IGFBP7: variants seen among roughly 807,000 people sequenced by gnomAD.
IGFBP7 encodes insulin like growth factor binding protein 7, also known as insulin-like growth factor-binding protein 7.
In IGFBP7, 31 loss-of-function variants were observed where a neutral mutation model predicts 29.4. The ratio of observed to expected loss-of-function variants is 1.05; its 90% CI spans 0.79 to 1.42. The LOEUF (loss-of-function observed/expected upper bound fraction) is 1.42, where lower values mean the gene tolerates loss of function less well. Among genes scored for constraint, IGFBP7 ranks in the 40% most tolerant of loss-of-function variants. The probability of loss-of-function intolerance (pLI) is 0.00; values close to 1 mark genes in which losing one functional copy is unlikely to be tolerated. For synonymous variants in IGFBP7, 172 were observed against 174.9 expected, an observed-to-expected ratio of 0.98 and a Z score of 0.13; for missense variants, 393 against 395.5, an observed-to-expected ratio of 0.99 and a Z score of 0.05.
chr4:57,047,918 G>T (rs143231923), intron 1 of IGFBP7, among the ~76,000 whole-genome samples: 6 of 152,116 alleles, frequency 3.9e-5, no homozygotes, highest in African/African-American at 1.4e-4. Flanking sequence ...TATTTTTTTA[G>T]ATATGGGGTC....
chr4:57,049,503 C>T (rs1005268802), intron 1 of IGFBP7, among the ~76,000 whole-genome samples: 2 of 152,170 alleles, frequency 1.3e-5, no homozygotes, highest in African/African-American at 4.8e-5. Context: ...TATGCTGATG[C>T]CCTTACCTAC....
At chr4:57,034,734 C>T (rs1421551575) in intron 2 of IGFBP7, among the ~76,000 whole-genome samples, 1 of 152,112 alleles carries the variant, frequency 6.6e-6, no homozygotes, top group Non-Finnish European at 1.5e-5. Context: ...ATTCAGCAAA[C>T]CACATGTGAT....
chr4:57,072,666 G>A, intron 1 of IGFBP7: 1 of 298,226 alleles, frequency 3.4e-6, no homozygotes, highest in Non-Finnish European at 6.5e-6. Context: ...ACCAGCAGGG[G>A]TGCTGCCCGG....
chr4:57,036,477 G>A (rs553103687), intron 2 of IGFBP7, among the ~76,000 whole-genome samples: 46 of 152,278 alleles, frequency 3.0e-4, no homozygotes, highest in Admixed American at 1.1e-3. Flanking sequence ...GAGCCTCTCC[G>A]TCTCAGAAAC....
chr4:57,069,757 A>G (rs1055905263), intron 1 of IGFBP7, among the ~76,000 whole-genome samples: 6 of 152,136 alleles, frequency 3.9e-5, no homozygotes, highest in African/African-American at 1.4e-4. Context: ...TGAGATTTCT[A>G]TCTTTCTAGG....
At chr4:57,087,129 T>C (rs967001112) in intron 1 of IGFBP7, among the ~76,000 whole-genome samples, 1 of 152,162 alleles carries the variant, frequency 6.6e-6, no homozygotes, top group Admixed American at 6.5e-5. Flanking sequence ...GAAACTGGAG[T>C]CTGTGTTCTG....
chr4:57,082,493 A>G (rs1414327662), intron 1 of IGFBP7, among the ~76,000 whole-genome samples: 2 of 152,210 alleles, frequency 1.3e-5, no homozygotes, highest in Admixed American at 6.5e-5. Flanking sequence ...ATGAGTGTAT[A>G]GTTTTAAATT....
At chr4:57,071,636 G>A (rs961328267) in intron 1 of IGFBP7, among the ~76,000 whole-genome samples, 6 of 152,126 alleles carry the variant, frequency 3.9e-5, no homozygotes, top group African/African-American at 1.4e-4. Context: ...CCAGAATAAG[G>A]GACTGATCTC....
At chr4:57,051,422 G>C (rs984899884) in intron 1 of IGFBP7, among the ~76,000 whole-genome samples, 3 of 152,210 alleles carry the variant, frequency 2.0e-5, no homozygotes, top group East Asian at 1.9e-4. Context: ...TTAATCTCAG[G>C]CTTTTAGTTT....
intron 1 of IGFBP7, among the ~76,000 whole-genome samples, chr4:57,094,227 AT>A (rs1028995348): frequency 8.5e-5 from 13 of 152,216 alleles, no homozygotes; most frequent in African/African-American, 3.1e-4. Flanking sequence ...TGGAATTATT[AT>A]AATTTTCCAC....
chr4:57,040,911 G>T lies in IGFBP7; in HGVS notation c.498C>A (p.Pro166=). Residue 166 remains proline, a synonymous_variant, in exon 2 of 5, where the codon CCC becomes CCA. Transcript: ENST00000295666. ...CEQGPSIVTP[P]KDIWNVTGAQ... ...CACCAGTGACATTCCAGATGTCCTTGGGGGGCGTCACTATGGAAGGACCTG... is the reference window on the plus strand; with the variant it reads ...CACCAGTGACATTCCAGATGTCCTTTGGGGGCGTCACTATGGAAGGACCTG... 3 of 1,613,730 alleles carry T rather than the reference G, an allele frequency of 1.9e-6. No homozygotes were observed. Among genetic ancestry groups the T allele is most frequent in the Non-Finnish European group, 1.7e-6 (2 of 1,179,642 alleles).
At chr4:57,046,105 C>T (rs189616301) in intron 1 of IGFBP7, among the ~76,000 whole-genome samples, 15 of 152,050 alleles carry the variant, frequency 9.9e-5, no homozygotes, top group Non-Finnish European at 7.4e-5. Context: ...AATAAGCAAG[C>T]GACTTAATGG....
chr4:57,039,428 C>T (rs549790697), intron 2 of IGFBP7, among the ~76,000 whole-genome samples: 1 of 152,102 alleles, frequency 6.6e-6, no homozygotes, highest in Non-Finnish European at 1.5e-5. Flanking sequence ...GGACATTTGG[C>T]AATGTCTGAA....
At chr4:57,068,499 A>G (rs1724973024) in intron 1 of IGFBP7, among the ~76,000 whole-genome samples, 1 of 152,182 alleles carries the variant, frequency 6.6e-6, no homozygotes, top group Non-Finnish European at 1.5e-5. Context: ...ATGGGCCTAG[A>G]AACACATCAG....
chr4:57,054,506 G>A (rs966482268), intron 1 of IGFBP7, among the ~76,000 whole-genome samples: 2 of 152,018 alleles, frequency 1.3e-5, no homozygotes, highest in Non-Finnish European at 2.9e-5. Context: ...AATTTTGGTA[G>A]CACGTGCCTG....
chr4:57,071,689 C>A (rs1283523581), intron 1 of IGFBP7, among the ~76,000 whole-genome samples: 2 of 152,190 alleles, frequency 1.3e-5, no homozygotes, highest in Non-Finnish European at 2.9e-5. Flanking sequence ...ATCAGCCTTG[C>A]TGTGGCATAT....
At chr4:57,053,634 C>T (rs1356571) in intron 1 of IGFBP7, among the ~76,000 whole-genome samples, 35,914 of 152,026 alleles carry the variant, frequency 0.24, 4,542 homozygotes, top group East Asian at 0.34. Context: ...CCCTAGGAAG[C>T]TGGAATACCT....
At position 57,041,220 on chromosome 4, in the gene IGFBP7, G is replaced by GT. The variant is rs1288687386; in HGVS notation, c.476-288dup. Reference sequence around the variant, plus strand: ...TTAAATGAGTGCTAATTTACCAGCTGTTTTTTTATTATCTGGGACTTTTCC... The same window carrying GT: ...TTAAATGAGTGCTAATTTACCAGCTGTTTTTTTTATTATCTGGGACTTTTCC... On this transcript the variant is annotated intron_variant, in intron 1 of 4. Coordinates refer to ENST00000295666, the MANE Select transcript of IGFBP7 (RefSeq NM_001553.3). Among the ~76,000 whole-genome samples the GT allele has an allele frequency of 8.5e-5, 13 of 152,218 alleles. No individual in the cohort carries two copies. The East Asian group carries it at 2.3e-3, about 27-fold the overall frequency.
chr4:57,061,567 C>G (rs532621620), intron 1 of IGFBP7, among the ~76,000 whole-genome samples: 1 of 152,138 alleles, frequency 6.6e-6, no homozygotes, highest in Non-Finnish European at 1.5e-5. Flanking sequence ...GTGTTGACAG[C>G]GTGGATACCC....
Sources: allele counts gnomAD v4.1 joint callset (sites outside exome capture counted in the v4.1 genomes callset), GRCh38; gene constraint gnomAD v4.1.1; transcripts MANE v1.5; gene names NCBI Gene and HGNC (gene_info 2026-07-23, HGNC 2026-07-21).